UTRN: variants seen among roughly 807,000 people sequenced by gnomAD.
UTRN encodes utrophin.
Under a neutral mutation model 463.9 loss-of-function variants are expected in UTRN, and 283 were observed. The observed-to-expected ratio is 0.61, with a 90% CI of 0.55 to 0.67. The LOEUF (loss-of-function observed/expected upper bound fraction) is 0.67. Ranked by LOEUF, UTRN falls within the 30% of genes least tolerant of loss-of-function variation. UTRN has a pLI of 0.00. For synonymous variants in UTRN, 1,442 were observed against 1,431.5 expected (o/e 1.01, Z -0.17); for missense variants, 3,922 against 4,084.3 (o/e 0.96, Z 1.08).
intron 34 of UTRN, among the ~76,000 whole-genome samples, chr6:144,502,728 T>A (rs991795847): frequency 6.6e-6 from 1 of 152,200 alleles, no homozygotes; most frequent in African/African-American, 2.4e-5. Flanking sequence ...TACGTGGGCA[T>A]GTCTTTAGAG....
chr6:144,718,566 C>T (rs1401038422), intron 53 of UTRN, among the ~76,000 whole-genome samples: 2 of 152,140 alleles, frequency 1.3e-5, no homozygotes, highest in Admixed American at 6.5e-5. Flanking sequence ...ATGATTAACA[C>T]GCAGAGAATT....
intron 3 of UTRN, among the ~76,000 whole-genome samples, chr6:144,415,583 G>A (rs1052063674): frequency 1.3e-5 from 2 of 152,160 alleles, no homozygotes; most frequent in Non-Finnish European, 2.9e-5. Context: ...TGTGCTTTGA[G>A]AGTATTGAAG....
chr6:144,539,198 A>G lies in UTRN; in HGVS notation c.6370-96A>G, dbSNP rs1288646020. On this transcript the variant is annotated intron_variant, in intron 44 of 74. Coordinates refer to ENST00000367545, the MANE Select transcript of UTRN (RefSeq NM_007124.3). ...TTTTCACTTAACAAATTAGAAAGTTACATTTGTAATAATACCAAAAAGGTT... is the reference window on the plus strand; with the variant it reads ...TTTTCACTTAACAAATTAGAAAGTTGCATTTGTAATAATACCAAAAAGGTT... 3 of 1,301,572 alleles carry G rather than the reference A, an allele frequency of 2.3e-6. No individual in the cohort carries two copies. In the African/African-American group the frequency reaches 4.5e-5, roughly 20 times the overall value. 80.6% of individuals were successfully genotyped at this position (1,301,572 alleles called of 1,614,324 possible).
At chr6:144,524,741 T>A (rs778861209) in intron 41 of UTRN, among the ~76,000 whole-genome samples, 2 of 152,172 alleles carry the variant, frequency 1.3e-5, no homozygotes, top group Non-Finnish European at 2.9e-5. Context: ...ATGCAAGTGG[T>A]GAAAGTGGGC....
At chr6:144,697,888 A>G (rs191421535) in intron 52 of UTRN, among the ~76,000 whole-genome samples, 1 of 152,322 alleles carries the variant, frequency 6.6e-6, no homozygotes, top group East Asian at 1.9e-4. Flanking sequence ...TCAATTTCAA[A>G]GGAATATAAT....
chr6:144,810,189 G>T (rs1367380024), intron 65 of UTRN, among the ~76,000 whole-genome samples: 1 of 152,122 alleles, frequency 6.6e-6, no homozygotes, highest in Non-Finnish European at 1.5e-5. Flanking sequence ...TCAAATAAGG[G>T]TCTTATGACC....
At chr6:144,307,402 A>G (rs1805840307) in intron 2 of UTRN, among the ~76,000 whole-genome samples, 1 of 152,342 alleles carries the variant, frequency 6.6e-6, no homozygotes, top group East Asian at 1.9e-4. Flanking sequence ...ATATTTTCTT[A>G]GAAAAAGGGT....
At chr6:144,500,497 G>A (rs1184157192) in intron 34 of UTRN, among the ~76,000 whole-genome samples, 2 of 151,986 alleles carry the variant, frequency 1.3e-5, no homozygotes, top group East Asian at 3.9e-4. Flanking sequence ...TTTTTATCCT[G>A]ATTCCAAAAG....
At chr6:144,838,653 C>T (rs993070102) in intron 71 of UTRN, among the ~76,000 whole-genome samples, 1 of 152,196 alleles carries the variant, frequency 6.6e-6, no homozygotes, top group Non-Finnish European at 1.5e-5. Context: ...TATTATTACC[C>T]TCCCCATTTT....
rs750447450 is a variant in UTRN, at chr6:144,462,684, C to T, written c.2884C>T (p.Pro962Ser). 1 of 1,601,464 alleles carries T rather than the reference C, an allele frequency of 6.2e-7. No individual in the cohort carries two copies. Among genetic ancestry groups the T allele is most frequent in the Non-Finnish European group, 8.5e-7 (1 of 1,177,292 alleles). ...TLDEILENQKPALHKLAEETK... is the reference protein window; with the variant it reads ...TLDEILENQKSALHKLAEETK... ...TGATGAAATCCTTGAGAATCAGAAA[C>T]CTGCATTACATAAACTTGCAGAAGA... The change falls in exon 23 of 75, where the codon CCT (proline) becomes TCT (serine). Residue 962 changes from proline (P) to serine (S), a missense_variant. Coordinates refer to ENST00000367545, the MANE Select transcript of UTRN (RefSeq NM_007124.3).
At chr6:144,681,319 G>T (rs545155931) in intron 52 of UTRN, among the ~76,000 whole-genome samples, 39 of 152,170 alleles carry the variant, frequency 2.6e-4, no homozygotes, top group Admixed American at 1.4e-3. Context: ...TTAGAAGAGG[G>T]CAAAGAAGTC....
intron 53 of UTRN, 122 bp from the exon 54 acceptor site, chr6:144,730,235 T>A (rs1788372408): frequency 1.8e-6 from 2 of 1,134,038 alleles, no homozygotes; most frequent in Non-Finnish European, 2.3e-6. Flanking sequence ...CTAACTTAGC[T>A]GAAATGCTTG....
chr6:144,543,000 A>G (rs527304713), intron 46 of UTRN, 130 bp downstream of exon 46: 36 of 765,250 alleles, frequency 4.7e-5, no homozygotes, highest in African/African-American at 4.4e-4. Flanking sequence ...TCTACTTTCA[A>G]TGATTTGGAA....
intron 23 of UTRN, among the ~76,000 whole-genome samples, chr6:144,466,040 G>A (rs1483670557): frequency 6.6e-6 from 1 of 152,158 alleles, no homozygotes; most frequent in African/African-American, 2.4e-5. Flanking sequence ...TTTCCTGGGG[G>A]CAGCTAATAT....
At chr6:144,490,853 A>C (rs1336772915) in intron 31 of UTRN, 76 bp from the exon 32 acceptor site, 2 of 1,439,724 alleles carry the variant, frequency 1.4e-6, no homozygotes, top group East Asian at 4.8e-5. Context: ...ACAAATTTTT[A>C]GTAGTATCTG....
chr6:144,568,263 CTAA>C (rs1800603432), intron 50 of UTRN, among the ~76,000 whole-genome samples: 2 of 151,852 alleles, frequency 1.3e-5, no homozygotes, highest in Non-Finnish European at 2.9e-5. Flanking sequence ...ATTATTTCTG[CTAA>C]TGTTACCCTT....
rs554990159 is a variant in UTRN at position 144,766,059 on chromosome 6, C to T, written c.8496-5848C>T. ...CTGAGGAATATATAAGTTATTCCTG[C>T]AGCTTTCTCACCCACTACCTCCATC... On this transcript the variant is annotated intron_variant, in intron 58 of 74. Transcript: ENST00000367545. 1.7e-3 allele frequency among the ~76,000 whole-genome samples: 263 copies of T among 151,454 alleles called. 1 individual carries two copies. The highest frequency in any genetic ancestry group is 6.2e-3 in the African/African-American group (252 of 40,922).
At chr6:144,647,073 C>A (rs1235622440) in intron 51 of UTRN, among the ~76,000 whole-genome samples, 1 of 152,086 alleles carries the variant, frequency 6.6e-6, no homozygotes, top group Non-Finnish European at 1.5e-5. Context: ...AATCTTATTA[C>A]AAAAAACACA....
At chr6:144,840,202 A>C (rs1485361536) in intron 72 of UTRN, among the ~76,000 whole-genome samples, 2 of 151,936 alleles carry the variant, frequency 1.3e-5, no homozygotes, top group Non-Finnish European at 2.9e-5. Context: ...ATATATTAAA[A>C]TATTAAGATT....
Sources: allele counts gnomAD v4.1 joint callset (sites outside exome capture counted in the v4.1 genomes callset), GRCh38; gene constraint gnomAD v4.1.1; transcripts MANE v1.5; gene names NCBI Gene and HGNC (gene_info 2026-07-23, HGNC 2026-07-21).